IQCM: variants seen among roughly 807,000 people sequenced by gnomAD.
IQCM encodes IQ motif containing M, also known as IQ domain-containing protein M.
IQCM carries 45 observed loss-of-function variants against 57.6 expected under a neutral mutation model. That is an observed-to-expected ratio of 0.78 (90% CI 0.62 to 1.00). The LOEUF (loss-of-function observed/expected upper bound fraction) is 1.00. IQCM is among the 50% of genes least tolerant of loss of function. IQCM has a pLI of 0.00. For missense variants in IQCM, 468 were observed against 511.6 expected (o/e 0.91, Z 0.82); for synonymous variants, 148 against 158.9 (o/e 0.93, Z 0.51).
chr4:149,501,510 C>T (rs1408047239), intron 12 of IQCM, among the ~76,000 whole-genome samples: 1 of 152,018 alleles, frequency 6.6e-6, no homozygotes, highest in Non-Finnish European at 1.5e-5. Flanking sequence ...CTGCTCATTG[C>T]TCCAGATTCC....
chr4:149,379,960 A>T (rs920820659), intron 13 of IQCM, among the ~76,000 whole-genome samples: 3 of 152,110 alleles, frequency 2.0e-5, no homozygotes, highest in Non-Finnish European at 4.4e-5. Flanking sequence ...CATGGTGGTG[A>T]ATAAGTCTCA....
chr4:149,394,771 C>T (rs1308880137), intron 13 of IQCM, among the ~76,000 whole-genome samples: 1 of 151,988 alleles, frequency 6.6e-6, no homozygotes, highest in Non-Finnish European at 1.5e-5. Flanking sequence ...ATCACACACT[C>T]TGAAGAGTTA....
chr4:149,668,084 A>G (rs935905723), intron 7 of IQCM, among the ~76,000 whole-genome samples: 2 of 152,126 alleles, frequency 1.3e-5, no homozygotes, highest in Non-Finnish European at 2.9e-5. Context: ...GAACACCACA[A>G]AGATATTTCT....
chr4:149,757,294 G>T (rs1769066978), intron 2 of IQCM, among the ~76,000 whole-genome samples: 2 of 150,994 alleles, frequency 1.3e-5, no homozygotes, highest in South Asian at 4.2e-4. Flanking sequence ...AAAAGAAAAA[G>T]AAAAGGAAAA....
At chr4:149,561,275 T>C (rs1234909888) in intron 10 of IQCM, among the ~76,000 whole-genome samples, 3 of 62,844 alleles carry the variant, frequency 4.8e-5, no homozygotes, top group African/African-American at 2.6e-4. Context: ...CTTTGGCCCA[T>C]TCTTTCTCTC....
intron 2 of IQCM, among the ~76,000 whole-genome samples, chr4:149,811,709 C>T (rs1774583809): frequency 6.6e-6 from 1 of 152,202 alleles, no homozygotes; most frequent in South Asian, 2.1e-4. Flanking sequence ...TTGCCTTATA[C>T]TGAACAATCC....
rs575560178 is a variant in IQCM at position 149,676,988 on chromosome 4, T to A, written c.565+5130A>T. Among the ~76,000 whole-genome samples the A allele has an allele frequency of 6.6e-5, 10 of 152,002 alleles. No homozygotes were observed. The South Asian group carries it at 1.5e-3, about 22-fold the overall frequency. ...GTCAGTTCTTGGGGCCACAAAAAAG[T>A]GAAAAAACTTCATGTAGGCAGTAAG... On this transcript the variant is annotated intron_variant, in intron 7 of 13. Transcript: ENST00000636793.
rs570323602 is a variant in IQCM, at chr4:149,616,998, C to T, written c.681+4131G>A. Among the ~76,000 whole-genome samples the T allele has an allele frequency of 2.0e-5, 3 of 150,420 alleles. No individual in the cohort carries two copies. In the East Asian group the frequency reaches 5.9e-4, roughly 29 times the overall value. On this transcript the variant is annotated intron_variant, in intron 8 of 13. Coordinates refer to ENST00000636793, the MANE Select transcript of IQCM (RefSeq NM_001363507.2). ...TTGAGATGGGGTTTCACTCTTGTTG[C>T]CCAGGCTGGAGTACAATGGTGCAAT...
At chr4:149,527,501 C>T (rs927400964) in intron 12 of IQCM, among the ~76,000 whole-genome samples, 1 of 152,182 alleles carries the variant, frequency 6.6e-6, no homozygotes, top group Admixed American at 6.5e-5. Context: ...GAGTCCTCAC[C>T]AGACACTGAA....
At chr4:149,356,002 G>T (rs1728947989) in intron 13 of IQCM, among the ~76,000 whole-genome samples, 1 of 152,180 alleles carries the variant, frequency 6.6e-6, no homozygotes, top group Non-Finnish European at 1.5e-5. Context: ...CAGTGATGAT[G>T]AACATTTTTT....
At chr4:149,678,962 A>G (rs1292023937) in intron 7 of IQCM, among the ~76,000 whole-genome samples, 2 of 151,712 alleles carry the variant, frequency 1.3e-5, no homozygotes, top group East Asian at 1.9e-4. Context: ...ATTATTCAGA[A>G]CAGTATGAAG....
At chr4:149,586,490 TC>T (rs1350600502) in intron 9 of IQCM, among the ~76,000 whole-genome samples, 1 of 151,680 alleles carries the variant, frequency 6.6e-6, no homozygotes, top group African/African-American at 2.4e-5. Context: ...GTGTTTTATC[TC>T]TTCTTTTTTA....
chr4:149,433,873 TCTTA>T (rs1477883333), intron 12 of IQCM, among the ~76,000 whole-genome samples: 1 of 152,086 alleles, frequency 6.6e-6, no homozygotes, highest in Non-Finnish European at 1.5e-5. Context: ...ATCCATATAT[TCTTA>T]CTTTTAATTT....
At chr4:149,586,174 C>T (rs1383283805) in intron 9 of IQCM, among the ~76,000 whole-genome samples, 2 of 151,600 alleles carry the variant, frequency 1.3e-5, no homozygotes, top group African/African-American at 2.4e-5. Flanking sequence ...ACACGAACTG[C>T]TTTGAACACC....
intron 13 of IQCM, among the ~76,000 whole-genome samples, chr4:149,409,385 C>G (rs1345864720): frequency 6.6e-6 from 1 of 152,164 alleles, no homozygotes; most frequent in Non-Finnish European, 1.5e-5. Flanking sequence ...TTTGGCACTC[C>G]CGATGGCTGC....
At chr4:149,629,165 G>A (rs994129446) in intron 7 of IQCM, among the ~76,000 whole-genome samples, 5 of 152,174 alleles carry the variant, frequency 3.3e-5, no homozygotes, top group African/African-American at 1.2e-4. Flanking sequence ...TGGTCTTAAA[G>A]TGTGGTCCTG....
intron 7 of IQCM, among the ~76,000 whole-genome samples, chr4:149,643,249 T>C (rs1758356158): frequency 6.6e-6 from 1 of 152,220 alleles, no homozygotes; most frequent in Non-Finnish European, 1.5e-5. Context: ...AAACACTGAA[T>C]ACCTACTTTG....
At chr4:149,661,572 AT>A (rs1296411945) in intron 7 of IQCM, among the ~76,000 whole-genome samples, 1 of 152,146 alleles carries the variant, frequency 6.6e-6, no homozygotes, top group Non-Finnish European at 1.5e-5. Flanking sequence ...CAGTGAAGTC[AT>A]CAGGTCCTGA....
chr4:149,625,284 A>C (rs1004885834), intron 7 of IQCM, among the ~76,000 whole-genome samples: 1 of 152,240 alleles, frequency 6.6e-6, no homozygotes, highest in African/African-American at 2.4e-5. Context: ...AAAATTACTT[A>C]AACCACCTTC....
Sources: gnomAD v4.1 joint callset for allele counts (sites outside exome capture counted in the v4.1 genomes callset) on GRCh38, gnomAD v4.1.1 for gene constraint, MANE v1.5 for transcripts, NCBI Gene and HGNC (gene_info 2026-07-23, HGNC 2026-07-21) for gene names.